The following CDKAL1 variants were observed in gnomAD, a reference collection of about 807,000 sequenced individuals.
The protein encoded by CDKAL1 is threonylcarbamoyladenosine tRNA methylthiotransferase.
A neutral mutation model predicts 68.2 loss-of-function variants in CDKAL1; 32 were observed. The observed-to-expected ratio is 0.47, with a 90% CI of 0.35 to 0.63. The LOEUF is 0.63. CDKAL1 is among the 30% of genes least tolerant of loss of function. The probability of loss-of-function intolerance (pLI) is 0.00; values close to 1 mark genes in which losing one functional copy is unlikely to be tolerated. For missense variants in CDKAL1, 606 were observed against 696.7 expected, an observed-to-expected ratio of 0.87 and a Z score of 1.47; for synonymous variants, 234 against 244.3, an observed-to-expected ratio of 0.96 and a Z score of 0.39.
chr6:21,141,498 G>A (rs1008179703), intron 13 of CDKAL1, among the ~76,000 whole-genome samples: 13 of 152,152 alleles, frequency 8.5e-5, no homozygotes, highest in South Asian at 2.1e-4. Flanking sequence ...ATGTCCCCGC[G>A]ATTCACTCAG....
intron 9 of CDKAL1, among the ~76,000 whole-genome samples, chr6:20,915,474 T>A (rs1226679336): frequency 6.6e-6 from 1 of 152,220 alleles, no homozygotes; most frequent in Non-Finnish European, 1.5e-5. Flanking sequence ...TAGTCTTTTA[T>A]CTTAGATCCT....
At chr6:21,063,022 C>A (rs1344169306) in intron 11 of CDKAL1, among the ~76,000 whole-genome samples, 1 of 152,184 alleles carries the variant, frequency 6.6e-6, no homozygotes, top group Admixed American at 6.5e-5. Context: ...TCAAGCAATT[C>A]TCCTGCCTCA....
chr6:20,841,191 A>T (rs1392669200), intron 8 of CDKAL1, among the ~76,000 whole-genome samples: 20 of 152,180 alleles, frequency 1.3e-4, no homozygotes, highest in Admixed American at 1.3e-3. Context: ...TATGAAAAAC[A>T]AATCATGATT....
chr6:20,681,048 A>G (rs1006303274), intron 5 of CDKAL1, among the ~76,000 whole-genome samples: 2 of 152,216 alleles, frequency 1.3e-5, no homozygotes, highest in African/African-American at 2.4e-5. Flanking sequence ...CAGATGAGGA[A>G]GGATACCCAG....
chr6:20,960,271 T>C (rs950789903), intron 10 of CDKAL1, among the ~76,000 whole-genome samples: 1 of 152,190 alleles, frequency 6.6e-6, no homozygotes, highest in Non-Finnish European at 1.5e-5. Flanking sequence ...CATACACCAC[T>C]GTGCCTGGCT....
At chr6:20,980,659 G>A (rs759160456) in intron 10 of CDKAL1, among the ~76,000 whole-genome samples, 2 of 147,304 alleles carry the variant, frequency 1.4e-5, no homozygotes, top group African/African-American at 2.5e-5. Context: ...GATGTTGGGG[G>A]TGAATAGGCA....
At chr6:21,008,397 G>T (rs957354279) in intron 11 of CDKAL1, among the ~76,000 whole-genome samples, 1 of 152,104 alleles carries the variant, frequency 6.6e-6, no homozygotes, top group African/African-American at 2.4e-5. Context: ...GGTTAAAAAG[G>T]CAGGGTCAGG....
Position 20,820,111 on chromosome 6 carries a change from C to T in CDKAL1, c.639-25964C>T, listed in dbSNP as rs536352150. ...GTTCTTGCTTCTTCTTGGTCCTCCC[C>T]AGAATTCTCTAAAGTAAGTGGAGGG... On this transcript the variant is annotated intron_variant, in intron 8 of 15. Transcript: ENST00000274695. Among the ~76,000 whole-genome samples the T allele has an allele frequency of 5.9e-5, 9 of 152,254 alleles. No homozygotes were observed. In the East Asian group the frequency reaches 1.5e-3, roughly 26 times the overall value.
chr6:20,885,567 G>A (rs917910227), intron 9 of CDKAL1, among the ~76,000 whole-genome samples: 1 of 152,102 alleles, frequency 6.6e-6, no homozygotes, highest in African/African-American at 2.4e-5. Context: ...AGAAAACACA[G>A]GGGTAAATCT....
chr6:21,032,116 C>T lies in CDKAL1; in HGVS notation c.1055+31744C>T, dbSNP rs529711491. On this transcript the variant is annotated intron_variant, in intron 11 of 15. Transcript: ENST00000274695. ...CAACCCATGGATCTTTGGCTCACTC[C>T]AACCAGATTCCTGACTCACCCCCTC... 2.6e-5 allele frequency among the ~76,000 whole-genome samples: 4 copies of T among 152,250 alleles called. No individual in the cohort carries two copies. The South Asian group carries it at 8.3e-4, about 32-fold the overall frequency.
intron 13 of CDKAL1, among the ~76,000 whole-genome samples, chr6:21,137,690 T>A: frequency 6.6e-6 from 1 of 152,194 alleles, no homozygotes; most frequent in East Asian, 1.9e-4. Flanking sequence ...GATAGCTGTT[T>A]AAGCTCATTG....
rs60301451 is a variant in CDKAL1, at chr6:20,957,968, C to CAAAA, written c.909+2401_909+2404dup. ...CCTGGGTGACAAAGCAAGATTATCT[C>CAAAA]AAAAAAAAAAAAAAAAAAAAAGGAA... On this transcript the variant is annotated intron_variant, in intron 10 of 15. Transcript: ENST00000274695. Among the ~76,000 whole-genome samples, 291 of 67,398 alleles carry CAAAA rather than the reference C, an allele frequency of 4.3e-3. 1 individual carries two copies. The highest frequency in any genetic ancestry group is 0.011 in the African/African-American group (271 of 24,842). 44.2% of individuals were successfully genotyped at this position (67,398 alleles called of 152,430 possible).
chr6:21,058,753 C>T (rs1376187483), intron 11 of CDKAL1, among the ~76,000 whole-genome samples: 1 of 152,166 alleles, frequency 6.6e-6, no homozygotes, highest in African/African-American at 2.4e-5. Flanking sequence ...GTGGGGGCTG[C>T]AGAACAGCAA....
intron 11 of CDKAL1, among the ~76,000 whole-genome samples, chr6:21,019,876 T>C (rs1232789792): frequency 6.6e-6 from 1 of 151,230 alleles, no homozygotes; most frequent in Admixed American, 6.6e-5. Context: ...GAAAGAACCC[T>C]AGAAGTTGCT....
intron 13 of CDKAL1, among the ~76,000 whole-genome samples, chr6:21,163,939 G>A (rs945841869): frequency 6.6e-5 from 10 of 150,528 alleles, no homozygotes; most frequent in African/African-American, 2.5e-4. Flanking sequence ...CAAGAGGAGC[G>A]AAACTCTATC....
intron 10 of CDKAL1, among the ~76,000 whole-genome samples, chr6:20,988,180 A>ATGTGTGTGTGTGTGTG (rs1491171083): frequency 1.8e-3 from 63 of 34,348 alleles, no homozygotes; most frequent in Admixed American, 0.018. Flanking sequence ...AAGAAACATA[A>ATGTGTGTGTGTGTGTG]TATGTGTGTG....
At chr6:20,930,751 T>TG (rs527339467) in intron 9 of CDKAL1, among the ~76,000 whole-genome samples, 4 of 151,970 alleles carry the variant, frequency 2.6e-5, no homozygotes, top group Admixed American at 6.6e-5. Context: ...TGTGTATTTT[T>TG]TTTTTTTTTT....
At chr6:20,543,732 A>ATTT (rs758586145) in intron 2 of CDKAL1, among the ~76,000 whole-genome samples, 1,827 of 102,382 alleles carry the variant, frequency 0.018, 106 homozygotes, top group African/African-American at 0.07. Context: ...TATGTTTTAC[A>ATTT]TTTTTTTTTT....
At chr6:21,161,250 C>T (rs889363133) in intron 13 of CDKAL1, among the ~76,000 whole-genome samples, 2 of 152,008 alleles carry the variant, frequency 1.3e-5, no homozygotes, top group Non-Finnish European at 2.9e-5. Flanking sequence ...CCAACGATAT[C>T]GTATGAGATT....
Sources: allele counts gnomAD v4.1 joint callset (sites outside exome capture counted in the v4.1 genomes callset), GRCh38; gene constraint gnomAD v4.1.1; transcripts MANE v1.5; gene names NCBI Gene and HGNC (gene_info 2026-07-23, HGNC 2026-07-21).